Variants in IQGAP3 observed in about 807,000 individuals in gnomAD.
IQGAP3 encodes the protein ras GTPase-activating-like protein IQGAP3.
In IQGAP3, 165 loss-of-function variants were observed where a neutral mutation model predicts 208.2. The observed-to-expected ratio is 0.79, with a 90% CI of 0.70 to 0.90. The LOEUF is 0.90. Among genes scored for constraint, IQGAP3 ranks in the 40% least tolerant of loss-of-function variants. The pLI is 0.00. For missense variants in IQGAP3, 1,811 were observed against 2,043.1 expected (o/e 0.89, Z 2.19); for synonymous variants, 703 against 803.6 (o/e 0.87, Z 2.12).
intron 16 of IQGAP3, among the ~76,000 whole-genome samples, chr1:156,549,595 T>C (rs113323746): frequency 9.9e-5 from 15 of 151,996 alleles, no homozygotes; most frequent in Non-Finnish European, 5.9e-5. Flanking sequence ...GAGATCACAG[T>C]ACACTGCCCT....
chr1:156,564,568 C>T (rs763640182), intron 5 of IQGAP3, 47 bp downstream of exon 5: 16 of 1,233,958 alleles, frequency 1.3e-5, no homozygotes, highest in Non-Finnish European at 1.8e-5. Context: ...GATTGTTGGT[C>T]GCATCCACCT....
chr1:156,557,563 G>T (rs1675897198), intron 11 of IQGAP3, among the ~76,000 whole-genome samples: 2 of 79,574 alleles, frequency 2.5e-5, no homozygotes, highest in African/African-American at 7.9e-5. Context: ...GGAGGGAGGT[G>T]GGGGGGTCAG....
At chr1:156,543,706 C>G (rs571423695) in intron 22 of IQGAP3, among the ~76,000 whole-genome samples, 3 of 152,318 alleles carry the variant, frequency 2.0e-5, no homozygotes, top group African/African-American at 7.2e-5. Context: ...GAAGCAAGAT[C>G]CTTTTCTTTC....
At position 156,530,251 on chromosome 1, in the gene IQGAP3, G is replaced by A. The variant is rs781214033; in HGVS notation, c.4258C>T (p.Arg1420Ter). 83 of 1,612,572 alleles carry A rather than the reference G, an allele frequency of 5.1e-5. No homozygotes were observed. Among genetic ancestry groups the A allele is most frequent in the Admixed American group, 2.0e-4 (12 of 59,950 alleles). ...TGAGCTGTCAGTGAGCGGTGTCGTC[G>A]CAGTGGCTCCGGTGTCTGGGCTGTA... ...ACTAQTPEPL[R>*]RHRSLTAHSL... The change falls in exon 34 of 38, where the codon CGA becomes TGA. Residue 1420 changes from arginine to a stop codon, truncating the protein, a stop_gained. Transcript: ENST00000361170. LOFTEE classifies it high-confidence loss of function.
At position 156,548,664 on chromosome 1, in the gene IQGAP3, A is replaced by G. The variant is rs749855215; in HGVS notation, c.1910T>C (p.Val637Ala). 5.6e-6 allele frequency: 9 copies of G among 1,612,330 alleles called. No individual in the cohort carries two copies. The East Asian group carries it at 6.7e-5, about 12-fold the overall frequency. Residue 637 changes from valine (V) to alanine (A), a missense_variant, in exon 17 of 38, where the codon GTG (valine) becomes GCG (alanine). Physicochemically the swap from Val to Ala is moderately conservative, Grantham distance 64. Transcript: ENST00000361170. ...QTERVLRNPA[V>A]ALRGVVPDCA... Reference sequence around the variant, plus strand: ...GTCGGGAACTACCCCTCGAAGGGCCACTGCGGGGTTCCTCAACACCCGCTC... The same window carrying G: ...GTCGGGAACTACCCCTCGAAGGGCCGCTGCGGGGTTCCTCAACACCCGCTC...
intron 27 of IQGAP3, chr1:156,536,754 T>G: frequency 6.4e-6 from 1 of 156,500 alleles, no homozygotes; most frequent in Middle Eastern, 3.3e-3. Flanking sequence ...ATATGTACAA[T>G]TATCATGTGT....
In IQGAP3 at chr1:156,566,545, A is replaced by G; in HGVS notation, c.127T>C (p.Trp43Arg). The G allele has an allele frequency of 6.2e-7, 1 of 1,613,990 alleles. No individual in the cohort carries two copies. Among genetic ancestry groups the G allele is most frequent in the South Asian group, 1.1e-5 (1 of 91,058 alleles). Residue 43 changes from tryptophan (W) to arginine (R), a missense_variant and splice_region_variant, in exon 3 of 38, where the codon TGG (tryptophan) becomes CGG (arginine). Transcript: ENST00000361170. ...TCCTCCTTCAGGCAGGCCTCCATCC[A>G]GCTATGAACATGAGAACACCTTCTC... ...YLCRLEEAKR[W>R]MEACLKEELP...
chr1:156,530,117 G>A lies in IQGAP3; in HGVS notation c.4392C>T (p.Asp1464=), dbSNP rs374068925. ...SARNGYQGLV[D]ELAKDIRNQH... ...CCCAGGTTGTTACCTTGGCCAGCTC[G>A]TCCACTAGCCCCTGGTAGCCATTTC... Residue 1464 remains aspartate (D), a synonymous_variant, in exon 34 of 38, where the codon GAC becomes GAT. Transcript: ENST00000361170. The A allele has an allele frequency of 1.3e-5, 21 of 1,601,868 alleles. No individual in the cohort carries two copies. The highest frequency in any genetic ancestry group is 1.6e-4 in the Middle Eastern group (1 of 6,068).
At chr1:156,526,675 A>C in intron 37 of IQGAP3, 76 bp from the exon 38 acceptor site, 4 of 972,798 alleles carry the variant, frequency 4.1e-6, no homozygotes, top group Non-Finnish European at 4.9e-6. Flanking sequence ...CAAAACACTC[A>C]CATCATGGGG....
At position 156,563,631 on chromosome 1, in the gene IQGAP3, TG is replaced by T. The variant is rs1310576972; in HGVS notation, c.540del (p.Lys181AsnfsTer99). 6.2e-7 allele frequency: 1 copy of T among 1,613,070 alleles called. No individual in the cohort carries two copies. The highest frequency in any genetic ancestry group is 2.2e-5 in the East Asian group (1 of 44,790). ...EELSNMASEL[A>X]KYGLQLPAFS... ...AAGGCAGGCAGCTGGAGGCCATATT[TG>T]GCCAGTTCGGACGCCATGTTGCTGA... On this transcript the variant is annotated frameshift_variant, in exon 7 of 38. Coordinates refer to ENST00000361170, the MANE Select transcript of IQGAP3 (RefSeq NM_178229.5). LOFTEE classifies it high-confidence loss of function.
intron 1 of IQGAP3, among the ~76,000 whole-genome samples, chr1:156,571,687 C>A (rs922739599): frequency 6.6e-6 from 1 of 152,214 alleles, no homozygotes; most frequent in Non-Finnish European, 1.5e-5. Context: ...AAATAAAAAA[C>A]CGAAAAACAG....
intron 16 of IQGAP3, 148 bp from the exon 17 acceptor site, chr1:156,548,896 A>G (rs1675407978): frequency 1.4e-6 from 1 of 729,074 alleles, no homozygotes; most frequent in African/African-American, 1.8e-5. Context: ...GGATGGACAG[A>G]GACACATGCA....
intron 27 of IQGAP3, 116 bp downstream of exon 27, chr1:156,537,065 C>T: frequency 1.8e-6 from 2 of 1,133,146 alleles, no homozygotes; most frequent in Non-Finnish European, 2.5e-6. Context: ...GTACCCCTGG[C>T]TCCATCTCCC....
intron 19 of IQGAP3, 32 bp from the exon 20 acceptor site, chr1:156,544,504 A>C: frequency 1.3e-6 from 2 of 1,574,986 alleles, no homozygotes; most frequent in Non-Finnish European, 1.7e-6. Flanking sequence ...GAAGTAACTC[A>C]AGCAGGTCTC....
At position 156,564,657 on chromosome 1, in the gene IQGAP3, T is replaced by C. The variant is rs947246739; in HGVS notation, c.395A>G (p.Lys132Arg). The change falls in exon 5 of 38, where the codon AAA becomes AGA. Residue 132 changes from lysine (K) to arginine (R), a missense_variant. By Grantham distance (26) the Lys-to-Arg change is conservative (BLOSUM62 2). Transcript: ENST00000361170. ...FFPETTDIYD[K>R]KNMPRVVYCI... ...GTAGACTACCCGGGGCATGTTCTTT[T>C]TGTCATAGATGTCCGTGGTCTCTGG... The C allele has an allele frequency of 1.2e-6, 2 of 1,613,862 alleles. No individual in the cohort carries two copies. The highest frequency in any genetic ancestry group is 2.7e-5 in the African/African-American group (2 of 74,906).
At position 156,531,141 on chromosome 1, in the gene IQGAP3, G is replaced by A. The variant is rs748264424; in HGVS notation, c.4191+19C>T. On this transcript the variant is annotated intron_variant, in intron 33 of 37. Transcript: ENST00000361170. ...GGGGATGAATGAGACAGAACCTGTG[G>A]GCCAGCCCGGCTACTCACTTGCTCT... 9 of 1,576,086 alleles carry A rather than the reference G, an allele frequency of 5.7e-6. No homozygotes were observed. The East Asian group carries it at 1.8e-4, about 31-fold the overall frequency.
At chr1:156,569,605 G>A (rs555610961) in intron 1 of IQGAP3, 142 bp from the exon 2 acceptor site, 25 of 386,462 alleles carry the variant, frequency 6.5e-5, no homozygotes, top group South Asian at 5.1e-4. Flanking sequence ...TGCAAGCTCC[G>A]CCTCCCGGGT....
Position 156,544,194 on chromosome 1 carries a change from A to T in IQGAP3, c.2418T>A (p.Ala806=), listed in dbSNP as rs1376707000. 1.9e-6 allele frequency: 3 copies of T among 1,614,004 alleles called. No homozygotes were observed. In the Admixed American group the frequency reaches 5.0e-5, roughly 27 times the overall value. Residue 806 remains alanine, a synonymous_variant, in exon 21 of 38, where the codon GCT becomes GCA. Coordinates refer to ENST00000361170, the MANE Select transcript of IQGAP3 (RefSeq NM_178229.5). ...KIQAWARMWA[A]RRQYLRRLHY... ...GCAGACGCCTCAGGTATTGCCTCCG[A>T]GCTGCCCACATCCGGGCCCAGGCCT...
chr1:156,546,706 G>A (rs1019703977), intron 19 of IQGAP3, among the ~76,000 whole-genome samples: 10 of 152,192 alleles, frequency 6.6e-5, no homozygotes, highest in Non-Finnish European at 1.0e-4. Context: ...GAGGGCATAA[G>A]TAAGGTGCCC....
Sources: allele counts gnomAD v4.1 joint callset (sites outside exome capture counted in the v4.1 genomes callset), GRCh38; gene constraint gnomAD v4.1.1; transcripts MANE v1.5; gene names NCBI Gene and HGNC (gene_info 2026-07-23, HGNC 2026-07-21).